FAT1: variants seen among roughly 807,000 people sequenced by gnomAD.
FAT1 encodes FAT atypical cadherin 1.
Under a neutral mutation model 329.8 loss-of-function variants are expected in FAT1, and 171 were observed. That is an observed-to-expected ratio of 0.52 (90% CI 0.46 to 0.59). The LOEUF (loss-of-function observed/expected upper bound fraction) is 0.59. Ranked by LOEUF, FAT1 falls within the 20% of genes least tolerant of loss-of-function variation. FAT1 has a pLI of 0.00. For synonymous variants in FAT1, 2,233 were observed against 2,228.6 expected (o/e 1.00, Z -0.06); for missense variants, 5,672 against 5,774.4 (o/e 0.98, Z 0.57).
intron 2 of FAT1, among the ~76,000 whole-genome samples, chr4:186,704,150 CA>C (rs1399529756): frequency 6.6e-6 from 1 of 152,162 alleles, no homozygotes; most frequent in Admixed American, 6.5e-5. Context: ...AAATGACCTA[CA>C]AATTTCCAGC....
At chr4:186,660,439 A>G (rs1322776485) in intron 3 of FAT1, among the ~76,000 whole-genome samples, 1 of 152,240 alleles carries the variant, frequency 6.6e-6, no homozygotes, top group Non-Finnish European at 1.5e-5. Context: ...GATCTGTGGA[A>G]TGTTGAGACT....
At chr4:186,634,287 G>A (rs930543119) in intron 6 of FAT1, among the ~76,000 whole-genome samples, 10 of 152,052 alleles carry the variant, frequency 6.6e-5, no homozygotes, top group Non-Finnish European at 1.5e-4. Context: ...ACTTTAATTA[G>A]TCCTGGCTAC....
intron 2 of FAT1, among the ~76,000 whole-genome samples, chr4:186,677,703 G>C (rs1743021049): frequency 6.6e-6 from 1 of 152,012 alleles, no homozygotes; most frequent in Non-Finnish European, 1.5e-5. Flanking sequence ...TAACTGTGGG[G>C]CAGACAAATG....
chr4:186,620,960 G>C lies in FAT1; in HGVS notation c.5626C>G (p.Pro1876Ala), dbSNP rs940989078. The part of the protein sequence containing the change: ...TVHVIDINDC[P>A]PVFAKPLYEA... ...TATAATGGCTTGGCAAACACAGGGG[G>C]GCAGTCATTAATGTCAATTACATGT... Residue 1876 changes from proline (P) to alanine (A), a missense_variant, in exon 10 of 27, where the codon CCC becomes GCC. Pro to Ala is a conservative substitution (Grantham distance 27). Coordinates refer to ENST00000441802, the MANE Select transcript of FAT1 (RefSeq NM_005245.4). 6.2e-7 allele frequency: 1 copy of C among 1,613,742 alleles called. No homozygotes were observed.
At chr4:186,638,825 CAATT>C (rs767262652) in intron 4 of FAT1, among the ~76,000 whole-genome samples, 6 of 149,606 alleles carry the variant, frequency 4.0e-5, no homozygotes, top group Non-Finnish European at 7.4e-5. Context: ...ACTGATAACT[CAATT>C]AAACAAAGGC....
Position 186,634,765 on chromosome 4 carries a change from T to C in FAT1, c.4184-942A>G, listed in dbSNP as rs146611388. 2.4e-4 allele frequency among the ~76,000 whole-genome samples: 37 copies of C among 152,348 alleles called. 1 individual carries two copies. The East Asian group carries it at 7.1e-3, about 29-fold the overall frequency. ...GCTGTACAGGTCGGGTCACAAGTCA[T>C]CTGAAAGATGTAAAAAACTTCTCTA... On this transcript the variant is annotated intron_variant, in intron 6 of 26. Transcript: ENST00000441802.
chr4:186,673,977 C>A (rs1742843389), intron 2 of FAT1, among the ~76,000 whole-genome samples: 1 of 152,198 alleles, frequency 6.6e-6, no homozygotes. Flanking sequence ...GATAAAACTA[C>A]ATCCACAAGA....
chr4:186,696,137 A>T (rs1291256920), intron 2 of FAT1, among the ~76,000 whole-genome samples: 2 of 152,150 alleles, frequency 1.3e-5, no homozygotes, highest in African/African-American at 2.4e-5. Context: ...CTTAAACTCT[A>T]ATCTTGATAC....
intron 2 of FAT1, among the ~76,000 whole-genome samples, chr4:186,683,394 T>C (rs1447857464): frequency 6.6e-6 from 1 of 152,052 alleles, no homozygotes; most frequent in African/African-American, 2.4e-5. Flanking sequence ...CAGCACCGTC[T>C]ACCTTGCAAA....
chr4:186,635,406 T>G lies in FAT1; in HGVS notation c.4183+619A>C, dbSNP rs145165608. ...TGTCTTATCTAAACTACATGACAAA[T>G]AAGAAGAAGAAATGGCTTTAGCAAG... is the stretch of plus-strand genomic sequence containing the variant. On this transcript the variant is annotated intron_variant, in intron 6 of 26. Transcript: ENST00000441802. Among the ~76,000 whole-genome samples, 183 of 152,156 alleles carry G rather than the reference T, an allele frequency of 1.2e-3. 1 individual carries two copies. The highest frequency in any genetic ancestry group is 2.8e-4 in the Non-Finnish European group (19 of 67,996).
intron 7 of FAT1, among the ~76,000 whole-genome samples, chr4:186,632,227 T>A (rs983215128): frequency 6.6e-6 from 1 of 152,216 alleles, no homozygotes; most frequent in Admixed American, 6.5e-5. Flanking sequence ...ATTAAAAATA[T>A]AATTATTGGG....
chr4:186,612,202 C>T (rs1739483281), intron 13 of FAT1, among the ~76,000 whole-genome samples: 1 of 71,824 alleles, frequency 1.4e-5, no homozygotes, highest in Non-Finnish European at 3.0e-5. Context: ...TGACTATGAC[C>T]TTTAAAAGGT....
chr4:186,612,234 C>G (rs1229840226), intron 13 of FAT1, among the ~76,000 whole-genome samples: 6 of 89,768 alleles, frequency 6.7e-5, no homozygotes, highest in African/African-American at 2.3e-4. Context: ...TCTGTTAAAA[C>G]AAATGTAAAT....
intron 2 of FAT1, among the ~76,000 whole-genome samples, chr4:186,680,377 ATGAC>A (rs746894144): frequency 3.3e-5 from 5 of 152,210 alleles, no homozygotes; most frequent in African/African-American, 7.2e-5. Context: ...AAATCTGACT[ATGAC>A]TGAGTTTATC....
intron 12 of FAT1, among the ~76,000 whole-genome samples, chr4:186,613,550 T>G (rs891133982): frequency 6.6e-5 from 10 of 152,218 alleles, no homozygotes; most frequent in Admixed American, 6.5e-5. Flanking sequence ...GCTCTTTAAG[T>G]CCTGCAGGTC....
Position 186,618,475 on chromosome 4 carries a change from G to A in FAT1, c.8111C>T (p.Ser2704Leu), listed in dbSNP as rs1429786021. 1 of 1,614,022 alleles carries A rather than the reference G, an allele frequency of 6.2e-7. No individual in the cohort carries two copies. The highest frequency in any genetic ancestry group is 8.5e-7 in the Non-Finnish European group (1 of 1,179,904). The change falls in exon 10 of 27, where the codon TCA becomes TTA. Residue 2704 changes from serine to leucine, a missense_variant. Physicochemically the swap from Ser to Leu is moderately radical, Grantham distance 145. Coordinates refer to ENST00000441802, the MANE Select transcript of FAT1 (RefSeq NM_005245.4). ...LPPEMQLPKFSEPFYTFTVSE... is the reference protein window; with the variant it reads ...LPPEMQLPKFLEPFYTFTVSE... ...CACTGTAAAGGTATAGAAAGGTTCT[G>A]AAAATTTTGGAAGCTGCATTTCCGG... is the stretch of plus-strand genomic sequence containing the variant.
Position 186,708,040 on chromosome 4 carries a change from T to C in FAT1, c.1788A>G (p.Ala596=), listed in dbSNP as rs1561009295. The change falls in exon 2 of 27, where the codon GCA becomes GCG. Residue 596 remains alanine (A), a synonymous_variant. Transcript: ENST00000441802. The part of the protein sequence containing the change: ...EQITTVSAID[A]DELQLVQYQI... ...GATACTGTACCAACTGAAGTTCATC[T>C]GCATCAATAGCAGAAACAGTGGTTA... 1.2e-6 allele frequency: 2 copies of C among 1,614,032 alleles called. No individual in the cohort carries two copies. The highest frequency in any genetic ancestry group is 2.2e-5 in the East Asian group (1 of 44,886).
intron 2 of FAT1, among the ~76,000 whole-genome samples, chr4:186,664,633 T>C (rs1210074161): frequency 6.6e-6 from 1 of 152,222 alleles, no homozygotes; most frequent in Non-Finnish European, 1.5e-5. Context: ...AGGATTTACC[T>C]CCTCTGGGGA....
chr4:186,691,930 T>G (rs1484216003), intron 2 of FAT1, among the ~76,000 whole-genome samples: 1 of 151,982 alleles, frequency 6.6e-6, no homozygotes, highest in Non-Finnish European at 1.5e-5. Flanking sequence ...TGGCTACTAT[T>G]TTTTTTTACC....
Sources: gnomAD v4.1 joint callset for allele counts (sites outside exome capture counted in the v4.1 genomes callset) on GRCh38, gnomAD v4.1.1 for gene constraint, MANE v1.5 for transcripts, NCBI Gene and HGNC (gene_info 2026-07-23, HGNC 2026-07-21) for gene names.